Variants in MTUS2 observed in about 807,000 individuals in gnomAD.
MTUS2 encodes the protein microtubule associated scaffold protein 2.
Under a neutral mutation model 114.1 loss-of-function variants are expected in MTUS2, and 40 were observed. The ratio of observed to expected loss-of-function variants is 0.35; its 90% confidence interval spans 0.27 to 0.46. The LOEUF (loss-of-function observed/expected upper bound fraction) is 0.46. MTUS2 is among the 20% of genes least tolerant of loss of function. The pLI, the probability that MTUS2 is intolerant of heterozygous loss-of-function variation, is 1.00. For missense variants in MTUS2, 1,679 were observed against 1,705.4 expected (o/e 0.98, Z 0.27); for synonymous variants, 688 against 672.0 (o/e 1.02, Z -0.37).
chr13:29,014,570 G>A (rs1175686602), intron 2 of MTUS2, among the ~76,000 whole-genome samples: 1 of 152,204 alleles, frequency 6.6e-6, no homozygotes, highest in Non-Finnish European at 1.5e-5. Flanking sequence ...AGCTGTTAAA[G>A]GCTGGGAAAG....
At chr13:28,866,036 A>G (rs553303050) in intron 2 of MTUS2, among the ~76,000 whole-genome samples, 181 of 152,260 alleles carry the variant, frequency 1.2e-3, no homozygotes, top group African/African-American at 4.1e-3. Flanking sequence ...GTAAAAGGCC[A>G]AGTATTCATA....
intron 4 of MTUS2, among the ~76,000 whole-genome samples, chr13:29,043,125 A>G (rs911655519): frequency 4.6e-5 from 7 of 151,834 alleles, no homozygotes; most frequent in South Asian, 2.1e-4. Context: ...AAAGCTTTTC[A>G]TAGGTTGTGT....
At chr13:29,140,406 CTT>C (rs1402493653) in intron 5 of MTUS2, among the ~76,000 whole-genome samples, 3 of 152,218 alleles carry the variant, frequency 2.0e-5, no homozygotes, top group African/African-American at 7.2e-5. Context: ...GCAAGCATGA[CTT>C]TGCTGTGAGG....
intron 8 of MTUS2, among the ~76,000 whole-genome samples, chr13:29,437,643 G>A (rs1877511960): frequency 6.6e-6 from 1 of 152,140 alleles, no homozygotes; most frequent in Non-Finnish European, 1.5e-5. Context: ...CCAGGAAGGT[G>A]CTTACAAAAA....
intron 6 of MTUS2, chr13:29,306,708 C>T (rs1395747877): frequency 3.7e-6 from 1 of 268,194 alleles, no homozygotes; most frequent in African/African-American, 2.3e-5. Context: ...AAATGGTCGG[C>T]TCCCTGCTTC....
chr13:29,204,190 CTT>C (rs1235472568), intron 5 of MTUS2, among the ~76,000 whole-genome samples: 8 of 152,152 alleles, frequency 5.3e-5, no homozygotes, highest in African/African-American at 1.4e-4. Context: ...AAACTCCTGA[CTT>C]TGTGATCTGC....
intron 7 of MTUS2, among the ~76,000 whole-genome samples, chr13:29,330,980 A>C (rs1053520416): frequency 1.3e-5 from 2 of 152,130 alleles, no homozygotes; most frequent in Admixed American, 6.6e-5. Flanking sequence ...AAGAAAGTCA[A>C]TGGTAGCTTG....
intron 8 of MTUS2, among the ~76,000 whole-genome samples, chr13:29,404,877 C>T (rs1445553592): frequency 1.3e-5 from 2 of 152,176 alleles, no homozygotes; most frequent in African/African-American, 4.8e-5. Flanking sequence ...AAGAGGAAAC[C>T]TGGGTTTCCT....
rs1281245329 is a variant in MTUS2, at chr13:29,166,367, C to G, written c.2644+65397C>G. On this transcript the variant is annotated intron_variant, in intron 5 of 15. Coordinates refer to ENST00000612955, the MANE Select transcript of MTUS2 (RefSeq NM_001033602.4). Reference sequence around the variant, plus strand: ...TATGAACCCTCTGACCAAAAGAACCCTTCAACACACCTTCTTGAACAGGCC... The same window carrying G: ...TATGAACCCTCTGACCAAAAGAACCGTTCAACACACCTTCTTGAACAGGCC... Among the ~76,000 whole-genome samples, 3 of 152,154 alleles carry G rather than the reference C, an allele frequency of 2.0e-5. No homozygotes were observed. The East Asian group carries it at 5.8e-4, about 29-fold the overall frequency.
chr13:29,389,399 ATATGTATACACGTGTGTGTGTATG>A (rs1872965764), intron 8 of MTUS2, among the ~76,000 whole-genome samples: 1 of 67,982 alleles, frequency 1.5e-5, no homozygotes, highest in Non-Finnish European at 2.8e-5. Context: ...GTGTGTGTAT[ATATGTATACACGTGTGTGTGTATG>A]TATACACGTG....
Position 28,902,211 on chromosome 13 carries a change from C to T in MTUS2, c.-243+62361C>T, listed in dbSNP as rs558136264. Among the ~76,000 whole-genome samples, 10 of 152,138 alleles carry T rather than the reference C, an allele frequency of 6.6e-5. No homozygotes were observed. The South Asian group carries it at 1.9e-3, about 28-fold the overall frequency. ...GTGAATTTGCTGAACTTATTATTTC[C>T]AGGAGATTTTAAAAAATAGTTTTCT... On this transcript the variant is annotated intron_variant, in intron 2 of 15. Coordinates refer to ENST00000612955, the MANE Select transcript of MTUS2 (RefSeq NM_001033602.4).
intron 6 of MTUS2, among the ~76,000 whole-genome samples, chr13:29,283,963 G>T (rs1157623111): frequency 2.6e-5 from 4 of 152,132 alleles, no homozygotes; most frequent in Admixed American, 2.0e-4. Flanking sequence ...TACATTTTTG[G>T]TGGGAATATA....
intron 5 of MTUS2, among the ~76,000 whole-genome samples, chr13:29,269,476 C>T (rs1402935520): frequency 6.6e-6 from 1 of 152,128 alleles, no homozygotes; most frequent in African/African-American, 2.4e-5. Context: ...GAGTTAACAT[C>T]AGCACATCCA....
intron 1 of MTUS2, among the ~76,000 whole-genome samples, chr13:28,826,791 C>T (rs1231469512): frequency 1.3e-5 from 2 of 152,170 alleles, no homozygotes; most frequent in African/African-American, 2.4e-5. Context: ...GAATATATAG[C>T]CTTGGATTAC....
At chr13:29,473,043 A>T (rs2388085) in intron 9 of MTUS2, among the ~76,000 whole-genome samples, 126,121 of 152,142 alleles carry the variant, frequency 0.83, 52,892 homozygotes, top group Non-Finnish European at 0.89. Flanking sequence ...GGTATTGTCT[A>T]TCATCAGTAT....
intron 2 of MTUS2, among the ~76,000 whole-genome samples, chr13:28,840,897 G>T (rs546198216): frequency 6.6e-6 from 1 of 152,278 alleles, no homozygotes; most frequent in East Asian, 1.9e-4. Context: ...AGCTTTTTAG[G>T]GCTAAAACTG....
At chr13:29,169,147 A>G (rs1035024197) in intron 5 of MTUS2, among the ~76,000 whole-genome samples, 5 of 152,158 alleles carry the variant, frequency 3.3e-5, no homozygotes, top group African/African-American at 1.2e-4. Flanking sequence ...AGGCCTTACT[A>G]ATTTTCATAA....
chr13:29,013,518 A>G (rs534169137), intron 2 of MTUS2, among the ~76,000 whole-genome samples: 44 of 152,124 alleles, frequency 2.9e-4, no homozygotes, highest in Non-Finnish European at 5.9e-4. Context: ...GTATTATTTT[A>G]CCCTCTTTCC....
chr13:29,137,329 T>C (rs1353689407), intron 5 of MTUS2, among the ~76,000 whole-genome samples: 1 of 152,230 alleles, frequency 6.6e-6, no homozygotes, highest in Non-Finnish European at 1.5e-5. Flanking sequence ...GTGGGCCTCT[T>C]TGAGTTCATC....
Sources: gnomAD v4.1 joint callset for allele counts (sites outside exome capture counted in the v4.1 genomes callset) on GRCh38, gnomAD v4.1.1 for gene constraint, MANE v1.5 for transcripts, NCBI Gene and HGNC (gene_info 2026-07-23, HGNC 2026-07-21) for gene names.